Variants in MYO1A observed in about 807,000 individuals in gnomAD.
MYO1A encodes the protein myosin IA, also known as unconventional myosin-Ia.
MYO1A carries 127 observed loss-of-function variants against 138.5 expected under a neutral mutation model. That is an observed-to-expected ratio of 0.92 (90% CI 0.79 to 1.06). MYO1A has a LOEUF of 1.06. Among genes scored for constraint, MYO1A ranks in the 50% least tolerant of loss-of-function variants. MYO1A has a pLI of 0.00. For synonymous variants in MYO1A, 477 were observed against 497.5 expected, an observed-to-expected ratio of 0.96 and a Z score of 0.55; for missense variants, 1,211 against 1,288.8, an observed-to-expected ratio of 0.94 and a Z score of 0.92.
At position 57,029,967 on chromosome 12, in the gene MYO1A, C is replaced by A. The variant is rs903925127; in HGVS notation, c.2592-95G>T. 11 of 1,570,068 alleles carry A rather than the reference C, an allele frequency of 7.0e-6. No individual in the cohort carries two copies. The African/African-American group carries it at 9.5e-5, about 13-fold the overall frequency. On this transcript the variant is annotated intron_variant, in intron 24 of 27. Coordinates refer to ENST00000300119, the MANE Select transcript of MYO1A (RefSeq NM_005379.4). ...TCCTAGTCCTCCCGGGCCCTTCCCC[C>A]ACATCCACGTATCCTCTGTCAGTGT...
At chr12:57,029,009 A>C in intron 27 of MYO1A, 123 bp downstream of exon 27, 1 of 1,595,774 alleles carries the variant, frequency 6.3e-7, no homozygotes, top group Non-Finnish European at 8.6e-7. Flanking sequence ...TGGGGGCCTG[A>C]GAAACACCTC....
intron 20 of MYO1A, 36 bp from the exon 21 acceptor site, chr12:57,036,876 C>T (rs750199423): frequency 1.2e-6 from 2 of 1,614,108 alleles, no homozygotes; most frequent in East Asian, 4.5e-5. Flanking sequence ...AAAAATGGCA[C>T]CTCCTGAGCC....
Position 57,040,311 on chromosome 12 carries a change from G to A in MYO1A, c.1269+873C>T, listed in dbSNP as rs1324598451. 2.0e-5 allele frequency among the ~76,000 whole-genome samples: 3 copies of A among 152,280 alleles called. No individual in the cohort carries two copies. The East Asian group carries it at 5.8e-4, about 29-fold the overall frequency. ...ATGACAATAAGGTACAGAACAGAGT[G>A]TATTTACTGCCATTTGTATAGATTT... On this transcript the variant is annotated intron_variant, in intron 14 of 27. Transcript: ENST00000300119.
At chr12:57,047,154 G>A (rs770840926) in intron 5 of MYO1A, 47 bp from the exon 6 acceptor site, 1 of 1,609,344 alleles carries the variant, frequency 6.2e-7, no homozygotes, top group Non-Finnish European at 8.5e-7. Flanking sequence ...GAAGGGAAAG[G>A]AGGAAGGGCT....
chr12:57,043,783 A>G (rs1000972068), intron 10 of MYO1A, 73 bp downstream of exon 10: 13 of 1,598,988 alleles, frequency 8.1e-6, no homozygotes, highest in Non-Finnish European at 1.1e-5. Flanking sequence ...TATGCTAGAG[A>G]TGGTAGAAGG....
intron 27 of MYO1A, 84 bp from the exon 28 acceptor site, chr12:57,028,965 G>A (rs897473566): frequency 1.7e-5 from 27 of 1,592,240 alleles, no homozygotes; most frequent in Middle Eastern, 1.9e-4. Flanking sequence ...CCCATCATGC[G>A]AGTCAGAGGA....
At chr12:57,046,737 G>T in intron 7 of MYO1A, 87 bp from the exon 8 acceptor site, 1 of 1,488,056 alleles carries the variant, frequency 6.7e-7, no homozygotes, top group Non-Finnish European at 9.4e-7. Flanking sequence ...CCCCATCGCC[G>T]GCATTCCTAG....
At chr12:57,036,173 T>C in intron 22 of MYO1A, 134 bp downstream of exon 22, 1 of 889,248 alleles carries the variant, frequency 1.1e-6, no homozygotes. Context: ...TGCCCTCTTC[T>C]CCTAGGACTT....
intron 18 of MYO1A, 105 bp from the exon 19 acceptor site, chr12:57,037,746 C>A (rs2136444323): frequency 6.7e-7 from 1 of 1,498,212 alleles, no homozygotes. Context: ...TCATTCAATT[C>A]ATTTCTCAAA....
At chr12:57,044,885 G>A (rs1269782376) in intron 8 of MYO1A, among the ~76,000 whole-genome samples, 4 of 152,178 alleles carry the variant, frequency 2.6e-5, no homozygotes, top group Non-Finnish European at 1.5e-5. Flanking sequence ...AAGGGGAGAA[G>A]GGTAAGCGCA....
At position 57,043,928 on chromosome 12, in the gene MYO1A, G is replaced by A. The variant is rs1198331554; in HGVS notation, c.820C>T (p.Leu274=). 6.2e-7 allele frequency: 1 copy of A among 1,614,150 alleles called. No individual in the cohort carries two copies. Among genetic ancestry groups the A allele is most frequent in the Admixed American group, 1.7e-5 (1 of 60,022 alleles). The change falls in exon 10 of 28, where the codon CTG becomes TTG. Residue 274 remains leucine, a synonymous_variant. Transcript: ENST00000300119. ...TCATCAGCCACCAACACGTTCCCCA[G>A]CTTTAGCACCATGGATGTCACCTCT... ...VLEVTSMVLK[L]GNVLVADEFQ... is the part of the protein sequence containing the mutation.
chr12:57,031,895 T>C (rs1283173792), intron 22 of MYO1A, among the ~76,000 whole-genome samples: 1 of 152,216 alleles, frequency 6.6e-6, no homozygotes, highest in Non-Finnish European at 1.5e-5. Flanking sequence ...CTCTGGCCTT[T>C]CCCAGGGTTT....
At chr12:57,032,422 T>C (rs1220878934) in intron 22 of MYO1A, among the ~76,000 whole-genome samples, 1 of 152,192 alleles carries the variant, frequency 6.6e-6, no homozygotes. Flanking sequence ...CAAATAAATA[T>C]ATAGTGTGAT....
At chr12:57,033,492 G>T (rs1287462420) in intron 22 of MYO1A, among the ~76,000 whole-genome samples, 2 of 152,220 alleles carry the variant, frequency 1.3e-5, no homozygotes, top group African/African-American at 4.8e-5. Flanking sequence ...AAGTAGCTGG[G>T]ACTACAGGTA....
At chr12:57,036,267 T>C in intron 22 of MYO1A, 40 bp downstream of exon 22, 1 of 1,597,822 alleles carries the variant, frequency 6.3e-7, no homozygotes, top group Non-Finnish European at 8.6e-7. Context: ...TGTGCCTCCC[T>C]GCTCCATCCC....
Position 57,048,201 on chromosome 12 carries a change from G to C in MYO1A, c.114+9C>G. On this transcript the variant is annotated intron_variant, in intron 2 of 27. Coordinates refer to ENST00000300119, the MANE Select transcript of MYO1A (RefSeq NM_005379.4). ...TATCCACAGCCAGAGGCACCCATAT[G>C]ACACTCACATAAATCTCCTTGTTTT... 6.2e-7 allele frequency: 1 copy of C among 1,610,620 alleles called. No homozygotes were observed. Among genetic ancestry groups the C allele is most frequent in the African/African-American group, 1.3e-5 (1 of 74,978 alleles).
rs369183685 is a variant in MYO1A at position 57,029,166 on chromosome 12, T to C, written c.2971A>G (p.Thr991Ala). Residue 991 changes from threonine (T) to alanine (A), a missense_variant, in exon 27 of 28, where the codon ACG becomes GCG. By Grantham distance (58) the Thr-to-Ala change is moderately conservative. Coordinates refer to ENST00000300119, the MANE Select transcript of MYO1A (RefSeq NM_005379.4). ...TKMYRAVLDA[T>A]QRQLTVTVTE... ...ACGGTGACTGTAAGCTGCCTCTGCG[T>C]GGCATCCAGCACAGCCCGGTACATT... The C allele has an allele frequency of 3.0e-5, 49 of 1,614,058 alleles. No individual in the cohort carries two copies. Among genetic ancestry groups the C allele is most frequent in the Non-Finnish European group, 4.1e-5 (48 of 1,180,028 alleles).
chr12:57,028,853 C>T lies in MYO1A; in HGVS notation c.3034G>A (p.Val1012Met), dbSNP rs535043825. 3.1e-6 allele frequency: 5 copies of T among 1,614,120 alleles called. No homozygotes were observed. In the South Asian group the frequency reaches 3.3e-5, roughly 11 times the overall value. Residue 1012 changes from valine to methionine, a missense_variant, in exon 28 of 28, where the codon GTG (valine) becomes ATG (methionine). Coordinates refer to ENST00000300119, the MANE Select transcript of MYO1A (RefSeq NM_005379.4). ...GGGCCCTGGACGACCTTGACAGCCA[C>T]ACTGTTCTCCTTGAACCTCACTGAG... Reference protein sequence around the residue: ...KFSVRFKENSVAVKVVQGPAG... With the variant: ...KFSVRFKENSMAVKVVQGPAG...
intron 24 of MYO1A, 27 bp from the exon 25 acceptor site, chr12:57,029,899 G>A (rs538064900): frequency 1.4e-5 from 22 of 1,613,922 alleles, no homozygotes; most frequent in South Asian, 7.7e-5. Flanking sequence ...GGTGTGCAGC[G>A]CGACAAGGCC....
Sources: allele counts gnomAD v4.1 joint callset (sites outside exome capture counted in the v4.1 genomes callset), GRCh38; gene constraint gnomAD v4.1.1; transcripts MANE v1.5; gene names NCBI Gene and HGNC (gene_info 2026-07-23, HGNC 2026-07-21).